The following KCNT2 variants were observed in gnomAD, a reference collection of about 807,000 sequenced individuals.
KCNT2 encodes the protein potassium channel subfamily T member 2.
Under a neutral mutation model 153.8 loss-of-function variants are expected in KCNT2, and 67 were observed. The ratio of observed to expected loss-of-function variants is 0.44; its 90% confidence interval spans 0.36 to 0.53. KCNT2 has a LOEUF of 0.53. KCNT2 is among the 20% of genes least tolerant of loss of function. KCNT2 has a pLI of 0.00. For missense variants in KCNT2, 975 were observed against 1,354.8 expected (o/e 0.72, Z 4.40); for synonymous variants, 500 against 458.8 (o/e 1.09, Z -1.15).
rs1233055454 is a variant in KCNT2, at chr1:196,226,210, T to C, written c.*2014A>G. ...CCAAACTTCAGATCTTGTGGGGAAA[T>C]AAAAGATTTGTAAAATCTTACATTT... On this transcript the variant is annotated 3_prime_UTR_variant, in exon 28 of 28. Coordinates refer to ENST00000294725, the MANE Select transcript of KCNT2 (RefSeq NM_198503.5). 6.6e-6 allele frequency: 1 copy of C among 151,924 alleles called. No homozygotes were observed. The highest frequency in any genetic ancestry group is 1.5e-5 in the Non-Finnish European group (1 of 67,878). The allele number at this position is 151,924 out of a possible 1,614,324, so 9.4% of individuals were successfully genotyped here.
intron 14 of KCNT2, among the ~76,000 whole-genome samples, chr1:196,344,344 C>T (rs2148177178): frequency 6.6e-6 from 1 of 152,166 alleles, no homozygotes; most frequent in Admixed American, 6.5e-5. Flanking sequence ...AAACCTGTGC[C>T]CATTCTTCCA....
chr1:196,497,689 T>C (rs576982515), intron 1 of KCNT2, among the ~76,000 whole-genome samples: 3 of 152,278 alleles, frequency 2.0e-5, no homozygotes, highest in South Asian at 4.1e-4. Context: ...GGGTATTGAT[T>C]GTTATTAAAA....
chr1:196,521,689 A>G (rs1653439166), intron 1 of KCNT2, among the ~76,000 whole-genome samples: 1 of 152,158 alleles, frequency 6.6e-6, no homozygotes, highest in Non-Finnish European at 1.5e-5. Flanking sequence ...TTAGCAAACC[A>G]ACATAGAAAC....
chr1:196,230,334 T>A (rs1050583030), intron 27 of KCNT2, among the ~76,000 whole-genome samples: 1 of 151,968 alleles, frequency 6.6e-6, no homozygotes, highest in Non-Finnish European at 1.5e-5. Flanking sequence ...AGCAAATCTG[T>A]TTAAAGCATA....
chr1:196,307,624 A>G (rs1661758187), intron 21 of KCNT2, among the ~76,000 whole-genome samples: 1 of 152,122 alleles, frequency 6.6e-6, no homozygotes, highest in Admixed American at 6.6e-5. Context: ...ATGTTTGTGC[A>G]TTTGAGATTA....
At chr1:196,489,743 A>G in intron 3 of KCNT2, 95 bp downstream of exon 3, 1 of 707,994 alleles carries the variant, frequency 1.4e-6, no homozygotes, top group South Asian at 1.8e-5. Context: ...TACCCTTAAA[A>G]ATTAAGCTCT....
At chr1:196,473,723 G>T (rs1678290388) in intron 5 of KCNT2, among the ~76,000 whole-genome samples, 1 of 151,978 alleles carries the variant, frequency 6.6e-6, no homozygotes, top group African/African-American at 2.4e-5. Flanking sequence ...AATAGCTAAT[G>T]AAACATAAAT....
At chr1:196,359,624 C>T (rs907691308) in intron 14 of KCNT2, among the ~76,000 whole-genome samples, 6 of 151,718 alleles carry the variant, frequency 4.0e-5, no homozygotes, top group African/African-American at 1.5e-4. Flanking sequence ...ATTACAACCT[C>T]ATAAGTAAAG....
intron 1 of KCNT2, among the ~76,000 whole-genome samples, chr1:196,567,281 A>G (rs1358615524): frequency 6.6e-6 from 1 of 152,032 alleles, no homozygotes; most frequent in East Asian, 1.9e-4. Flanking sequence ...GCCCTCTTCC[A>G]TCTACTAGAC....
rs548196429 is a variant in KCNT2 at position 196,527,707 on chromosome 1, AT to A, written c.96-35367del. ...CTCAGAAACTTTCATTTCAATAAAA[AT>A]ATGAAGTTACCATTTGAAAAGTTCC... On this transcript the variant is annotated intron_variant, in intron 1 of 27. Transcript: ENST00000294725. Among the ~76,000 whole-genome samples the A allele has an allele frequency of 1.4e-3, 214 of 152,330 alleles. 2 individuals carry two copies. The highest frequency in any genetic ancestry group is 5.0e-3 in the African/African-American group (207 of 41,590).
intron 25 of KCNT2, among the ~76,000 whole-genome samples, chr1:196,261,113 T>C (rs1235280078): frequency 6.6e-6 from 1 of 151,852 alleles, no homozygotes; most frequent in African/African-American, 2.4e-5. Context: ...CTTCTAGTTG[T>C]AACTCTCCTG....
In KCNT2 at chr1:196,405,628, C is replaced by T. The variant is rs1002561542; in HGVS notation, c.1186-6957G>A. 7.9e-5 allele frequency among the ~76,000 whole-genome samples: 12 copies of T among 151,272 alleles called. No homozygotes were observed. The East Asian group carries it at 9.8e-4, about 12-fold the overall frequency. On this transcript the variant is annotated intron_variant, in intron 12 of 27. Coordinates refer to ENST00000294725, the MANE Select transcript of KCNT2 (RefSeq NM_198503.5). ...AAATTTATAATTTTTATTAGACTCT[C>T]AAACAGAGTCTGTCATCTACACGTG...
At chr1:196,441,752 G>C (rs1404309991) in intron 8 of KCNT2, among the ~76,000 whole-genome samples, 1 of 151,680 alleles carries the variant, frequency 6.6e-6, no homozygotes, top group African/African-American at 2.4e-5. Context: ...AAAGTGGGAG[G>C]GTTCTGTTAT....
At chr1:196,292,121 C>T (rs531399276) in intron 22 of KCNT2, among the ~76,000 whole-genome samples, 6 of 152,222 alleles carry the variant, frequency 3.9e-5, no homozygotes, top group Middle Eastern at 3.4e-3. Context: ...TTTACTTTTA[C>T]GAATCAGGCA....
chr1:196,424,517 A>T (rs1478582276), intron 11 of KCNT2, among the ~76,000 whole-genome samples: 1 of 151,960 alleles, frequency 6.6e-6, no homozygotes, highest in Admixed American at 6.6e-5. Flanking sequence ...GGTTTACCTG[A>T]GGTGCTGGGA....
Position 196,319,504 on chromosome 1 carries a change from G to A in KCNT2, c.2328C>T (p.Tyr776=). ...DAICWFPMVY[Y]MVGSIDNLDD... ...CCTACTTGTCAATAGAGCCCACCAT[G>A]TAGTAAACCATTGGAAACCAACAGA... The change falls in exon 20 of 28, where the codon TAC becomes TAT. Residue 776 remains tyrosine, a synonymous_variant. Transcript: ENST00000294725. 6.2e-7 allele frequency: 1 copy of A among 1,609,932 alleles called. No homozygotes were observed.
At chr1:196,527,623 A>G (rs1654408152) in intron 1 of KCNT2, among the ~76,000 whole-genome samples, 1 of 152,174 alleles carries the variant, frequency 6.6e-6, no homozygotes, top group African/African-American at 2.4e-5. Flanking sequence ...CTTGTGAATC[A>G]GCATGTGCTC....
intron 21 of KCNT2, among the ~76,000 whole-genome samples, chr1:196,313,319 T>A (rs531663485): frequency 5.3e-5 from 8 of 151,682 alleles, no homozygotes; most frequent in African/African-American, 1.9e-4. Context: ...GAGTGTAAAA[T>A]TATTCATAGT....
intron 1 of KCNT2, among the ~76,000 whole-genome samples, chr1:196,553,215 C>G (rs1658185906): frequency 6.6e-6 from 1 of 150,840 alleles, no homozygotes; most frequent in Non-Finnish European, 1.5e-5. Flanking sequence ...AAAATATATT[C>G]CATGTCAAGA....
Sources: gnomAD v4.1 joint callset for allele counts (sites outside exome capture counted in the v4.1 genomes callset) on GRCh38, gnomAD v4.1.1 for gene constraint, MANE v1.5 for transcripts, NCBI Gene and HGNC (gene_info 2026-07-23, HGNC 2026-07-21) for gene names.